Variants in RTN3 observed in about 807,000 individuals in gnomAD.
RTN3 encodes the protein reticulon 3, also known as reticulon-3.
A neutral mutation model predicts 77.8 loss-of-function variants in RTN3; 49 were observed. That is an observed-to-expected ratio of 0.63 (90% CI 0.50 to 0.80). The LOEUF (loss-of-function observed/expected upper bound fraction) is 0.80, where lower values mean the gene tolerates loss of function less well. Ranked by LOEUF, RTN3 falls within the 30% of genes least tolerant of loss-of-function variation. The pLI is 0.00. For missense variants in RTN3, 1,236 were observed against 1,211.9 expected (o/e 1.02, Z -0.29); for synonymous variants, 464 against 446.9 (o/e 1.04, Z -0.48).
rs928043680 is a variant in RTN3, at chr11:63,708,492, C to CT, written c.199+3594dup. On this transcript the variant is annotated intron_variant, in intron 2 of 8. Coordinates refer to ENST00000377819, the MANE Select transcript of RTN3 (RefSeq NM_001265589.2). ...ATAGGACATGTTAAGATTTAAGTGA[C>CT]TTTTTTTTTATCCTGAAATACATAT... Among the ~76,000 whole-genome samples, 345 of 151,412 alleles carry CT rather than the reference C, an allele frequency of 2.3e-3. 1 individual carries two copies. Among genetic ancestry groups the CT allele is most frequent in the African/African-American group, 7.9e-3 (326 of 41,264 alleles).
At chr11:63,728,198 C>T (rs920953074) in intron 3 of RTN3, among the ~76,000 whole-genome samples, 5 of 152,096 alleles carry the variant, frequency 3.3e-5, no homozygotes, top group Non-Finnish European at 5.9e-5. Flanking sequence ...TACAGTGATG[C>T]GTGATAACAT....
rs2014561190 is a variant in RTN3, at chr11:63,759,547, C to A, written c.*1346C>A. 6.6e-6 allele frequency: 1 copy of A among 152,514 alleles called. No homozygotes were observed. 9.4% of individuals were successfully genotyped at this position (152,514 alleles called of 1,614,324 possible). Reference sequence around the variant, plus strand: ...TTGAGTGTTTTAACTGGTTTCATGTCCTAGTAGGAAGTGCATTCTCCATCC... The same window carrying A: ...TTGAGTGTTTTAACTGGTTTCATGTACTAGTAGGAAGTGCATTCTCCATCC... On this transcript the variant is annotated 3_prime_UTR_variant, in exon 9 of 9. Transcript: ENST00000377819.
chr11:63,681,839 GGGGATTAGGAGGC>G, intron 1 of RTN3, 61 bp downstream of exon 1: 1 of 1,456,398 alleles, frequency 6.9e-7, no homozygotes, highest in Non-Finnish European at 9.0e-7. Flanking sequence ...TGGGGGCTGG[GGGGATTAGGAGGC>G]GAGGCGGGAG....
At position 63,720,697 on chromosome 11, in the gene RTN3, C is replaced by T. The variant is rs751979000; in HGVS notation, c.2195C>T (p.Pro732Leu). 1.9e-6 allele frequency: 3 copies of T among 1,614,088 alleles called. No homozygotes were observed. The highest frequency in any genetic ancestry group is 2.5e-6 in the Non-Finnish European group (3 of 1,179,978). The change falls in exon 3 of 9, where the codon CCA (proline) becomes CTA (leucine). Residue 732 changes from proline (P) to leucine (L), a missense_variant. Around this residue, in one of 3 missense-constraint regions of RTN3, gnomAD observed 1,056 missense variants for 990.4 expected, o/e 1.07. Transcript: ENST00000377819. The part of the protein sequence containing the change: ...PLGVFPTQGT[P>L]VASLDLEQEQ... Reference sequence around the variant, plus strand: ...GGTGTTTTCCCTACCCAAGGTACTCCAGTAGCATCTCTTGACTTAGAACAA... The same window carrying T: ...GGTGTTTTCCCTACCCAAGGTACTCTAGTAGCATCTCTTGACTTAGAACAA...
chr11:63,728,654 C>T (rs978763826), intron 3 of RTN3, among the ~76,000 whole-genome samples: 4 of 152,132 alleles, frequency 2.6e-5, no homozygotes, highest in Non-Finnish European at 5.9e-5. Context: ...CGTTGGAAGG[C>T]CGAGACAGGT....
intron 1 of RTN3, 119 bp downstream of exon 1, chr11:63,681,897 GC>G (rs766295192): frequency 8.3e-5 from 92 of 1,107,362 alleles, no homozygotes; most frequent in Admixed American, 1.2e-4. Context: ...GACGGCTTCA[GC>G]CCCCCGGGGA....
chr11:63,701,537 C>T (rs189079336), intron 1 of RTN3, among the ~76,000 whole-genome samples: 4 of 152,174 alleles, frequency 2.6e-5, no homozygotes, highest in African/African-American at 9.6e-5. Context: ...AGCAAAGTGC[C>T]GGAGGCTCCT....
chr11:63,719,615 T>C lies in RTN3; in HGVS notation c.1113T>C (p.Asn371=). The C allele has an allele frequency of 6.2e-7, 1 of 1,613,768 alleles. No individual in the cohort carries two copies. The highest frequency in any genetic ancestry group is 8.5e-7 in the Non-Finnish European group (1 of 1,179,940). ...KTTGLDMSEY[N]SEIPVVNLKT... ...CAGGACTTGACATGAGTGAATATAA[T>C]TCAGAAATTCCAGTTGTAAATCTTA... Residue 371 remains asparagine, a synonymous_variant, in exon 3 of 9, where the codon AAT becomes AAC. Transcript: ENST00000377819.
chr11:63,713,367 GGT>G (rs1157900517), intron 2 of RTN3, among the ~76,000 whole-genome samples: 1 of 152,018 alleles, frequency 6.6e-6, no homozygotes, highest in Admixed American at 6.6e-5. Flanking sequence ...TGTCACCCAG[GGT>G]GGAGTGCATG....
chr11:63,717,704 G>A (rs1467421691), intron 2 of RTN3, among the ~76,000 whole-genome samples: 1 of 151,978 alleles, frequency 6.6e-6, no homozygotes, highest in Non-Finnish European at 1.5e-5. Context: ...TGATTTAAAT[G>A]ACAAGTTAGT....
intron 2 of RTN3, among the ~76,000 whole-genome samples, chr11:63,711,764 A>T (rs2011165918): frequency 6.6e-6 from 1 of 152,064 alleles, no homozygotes; most frequent in African/African-American, 2.4e-5. Context: ...GGGTTTCTCC[A>T]TGTTGGTCAG....
chr11:63,714,426 A>G (rs1356301969), intron 2 of RTN3: 1 of 152,946 alleles, frequency 6.5e-6, no homozygotes, highest in African/African-American at 2.4e-5. Context: ...TTATTAGGGA[A>G]CATTATTAGA....
Position 63,704,570 on chromosome 11 carries a change from A to G in RTN3, c.143-281A>G, listed in dbSNP as rs72932276. Among the ~76,000 whole-genome samples, 1,080 of 152,238 alleles carry G rather than the reference A, an allele frequency of 7.1e-3. 1 individual carries two copies. Among genetic ancestry groups the G allele is most frequent in the Admixed American group, 0.011 (163 of 15,270 alleles). On this transcript the variant is annotated intron_variant, in intron 1 of 8. Transcript: ENST00000377819. ...CTGTTCTTGAGGTTGTGCTTAATGT[A>G]AAATGCTAGGGGTTCCTCTTTTCTT...
intron 1 of RTN3, among the ~76,000 whole-genome samples, chr11:63,690,030 G>A (rs1279101349): frequency 6.6e-6 from 1 of 151,890 alleles, no homozygotes; most frequent in East Asian, 1.9e-4. Flanking sequence ...ACAGTGCTGG[G>A]ATTACAGATG....
Position 63,687,890 on chromosome 11 carries a change from T to C in RTN3, c.142+6112T>C, listed in dbSNP as rs79684153. 5.4e-3 allele frequency among the ~76,000 whole-genome samples: 821 copies of C among 152,312 alleles called. 6 individuals are homozygous for C. The highest frequency in any genetic ancestry group is 0.019 in the African/African-American group (801 of 41,562). The stretch of plus-strand genomic sequence containing the variant: ...TCCTCACAATCAAAGACTATTGTTA[T>C]GCCTTTTTTCCCTTTCCACATGTGA... On this transcript the variant is annotated intron_variant, in intron 1 of 8. Coordinates refer to ENST00000377819, the MANE Select transcript of RTN3 (RefSeq NM_001265589.2).
chr11:63,758,130 T>G lies in RTN3; in HGVS notation c.3054-26T>G, dbSNP rs79761983. On this transcript the variant is annotated intron_variant, in intron 8 of 8. Transcript: ENST00000377819. ...CAAATGCTAATGTTTTCACTTTCTT[T>G]CTTTTTCCCCTCCTTTTCTCAATAG... is the stretch of plus-strand genomic sequence containing the variant. 3,804 of 1,490,004 alleles carry G rather than the reference T, an allele frequency of 2.6e-3. 74 individuals carry two copies. In the African/African-American group the frequency reaches 0.035, roughly 14 times the overall value. The allele number at this position is 1,490,004 out of a possible 1,614,324, so 92.3% of individuals were successfully genotyped here. A position where few individuals can be genotyped will look rare whatever the true frequency, so the allele number is the denominator to read the frequency against.
intron 1 of RTN3, 40 bp downstream of exon 1, chr11:63,681,818 G>A (rs927796341): frequency 6.7e-7 from 1 of 1,499,758 alleles, no homozygotes; most frequent in South Asian, 1.2e-5. Context: ...GAAAGAGGGC[G>A]AGCGGGAGCC....
At chr11:63,696,387 ACT>A (rs901933369) in intron 1 of RTN3, among the ~76,000 whole-genome samples, 15 of 149,916 alleles carry the variant, frequency 1.0e-4, no homozygotes, top group Admixed American at 8.7e-4. Flanking sequence ...ACAAAACAAG[ACT>A]CTGTCTCAAA....
chr11:63,744,881 A>G (rs2013705918), intron 3 of RTN3, among the ~76,000 whole-genome samples: 2 of 152,172 alleles, frequency 1.3e-5, no homozygotes, highest in East Asian at 3.9e-4. Flanking sequence ...AGTCCTAGCT[A>G]CTTGGGATGC....
Sources: gnomAD v4.1 joint callset for allele counts (sites outside exome capture counted in the v4.1 genomes callset) on GRCh38, gnomAD v4.1.1 for gene constraint, gnomAD v4.1.1 regional missense constraint, MANE v1.5 for transcripts, NCBI Gene and HGNC (gene_info 2026-07-23, HGNC 2026-07-21) for gene names.